The following ZC3H12A variants were observed in gnomAD, a reference collection of about 807,000 sequenced individuals.
ZC3H12A encodes endoribonuclease ZC3H12A.
A neutral mutation model predicts 29.9 loss-of-function variants in ZC3H12A; 9 were observed. The observed-to-expected ratio is 0.30, with a 90% confidence interval of 0.18 to 0.53. The LOEUF is 0.53. Ranked by LOEUF, ZC3H12A falls within the 20% of genes least tolerant of loss-of-function variation. ZC3H12A has a pLI of 0.96. For missense variants in ZC3H12A, 617 were observed against 799.0 expected (o/e 0.77, Z 2.75); for synonymous variants, 323 against 338.1 (o/e 0.96, Z 0.49).
At position 37,479,925 on chromosome 1, in the gene ZC3H12A, GGT is replaced by G. The variant is rs1191738314; in HGVS notation, c.444-360_444-359del. On this transcript the variant is annotated intron_variant, in intron 2 of 5. Coordinates refer to ENST00000373087, the MANE Select transcript of ZC3H12A (RefSeq NM_025079.3). The surrounding 1 kb of genome is among the most constrained non-coding windows in gnomAD (Gnocchi z 4.5). ...TCGCGGCACCTTTCCCCCACCCCCA[GGT>G]GTGTTGCAAGTGGCCTGGCCCTCCC... 1 of 1,030,614 alleles carries G rather than the reference GGT, an allele frequency of 9.7e-7. No individual in the cohort carries two copies. Among genetic ancestry groups the G allele is most frequent in the Non-Finnish European group, 1.2e-6 (1 of 857,338 alleles). The allele number at this position is 1,030,614 out of a possible 1,614,324, so 63.8% of individuals were successfully genotyped here.
intron 3 of ZC3H12A, among the ~76,000 whole-genome samples, chr1:37,480,865 G>A (rs776803277): frequency 1.1e-4 from 16 of 152,234 alleles, no homozygotes; most frequent in Non-Finnish European, 2.2e-4. Context: ...AGCAGGGGGT[G>A]TTGACAGCAT....
At chr1:37,474,863 G>C (rs1055802935) in intron 1 of ZC3H12A, among the ~76,000 whole-genome samples, 3 of 152,198 alleles carry the variant, frequency 2.0e-5, no homozygotes, top group Non-Finnish European at 4.4e-5. Flanking sequence ...GGGATCGCGG[G>C]CCGAGCAAGC....
In ZC3H12A at chr1:37,476,743, C is replaced by T. The variant is rs1026644685; in HGVS notation, c.443+804C>T. 3.3e-5 allele frequency among the ~76,000 whole-genome samples: 5 copies of T among 152,214 alleles called. No homozygotes were observed. The highest frequency in any genetic ancestry group is 1.3e-4 in the Admixed American group (2 of 15,286). On this transcript the variant is annotated intron_variant, in intron 2 of 5. Transcript: ENST00000373087. The surrounding 1 kb of genome is among the most constrained non-coding windows in gnomAD (Gnocchi z 6.0). The stretch of plus-strand genomic sequence containing the variant: ...GACCTTGGGAAACCCAGACTTCTCC[C>T]GTCAATCCAGGCTCCACCCTCTGGC...
rs1473064581 is a variant in ZC3H12A at position 37,482,784 on chromosome 1, C to T, written c.973C>T (p.Arg325Trp). The T allele has an allele frequency of 2.5e-6, 4 of 1,613,988 alleles. No individual in the cohort carries two copies. The highest frequency in any genetic ancestry group is 1.7e-5 in the Admixed American group (1 of 60,010). Residue 325 changes from arginine to tryptophan, a missense_variant, in exon 6 of 6, where the codon CGG (arginine) becomes TGG (tryptophan). By Grantham distance (101) the Arg-to-Trp change is moderately radical. Around this residue, in one of 5 missense-constraint regions of ZC3H12A, gnomAD observed 255 missense variants for 402.5 expected, o/e 0.63. Coordinates refer to ENST00000373087, the MANE Select transcript of ZC3H12A (RefSeq NM_025079.3). The part of the protein sequence containing the change: ...GIKCRFFHPE[R>W]PSCPQRSVAD... ...CAAGTGCCGATTCTTCCACCCAGAGCGGCCAAGCTGCCCCCAGCGCTCTGT... is the reference window on the plus strand; with the variant it reads ...CAAGTGCCGATTCTTCCACCCAGAGTGGCCAAGCTGCCCCCAGCGCTCTGT...
rs377046291 is a variant in ZC3H12A at position 37,483,742 on chromosome 1, G to A, written c.*131G>A. 26 of 1,260,568 alleles carry A rather than the reference G, an allele frequency of 2.1e-5. No individual in the cohort carries two copies. The highest frequency in any genetic ancestry group is 2.6e-5 in the Non-Finnish European group (24 of 937,702). The allele number at this position is 1,260,568 out of a possible 1,614,324, so 78.1% of individuals were successfully genotyped here. On this transcript the variant is annotated 3_prime_UTR_variant, in exon 6 of 6. Coordinates refer to ENST00000373087, the MANE Select transcript of ZC3H12A (RefSeq NM_025079.3). Reference sequence around the variant, plus strand: ...GCTGGACAGAGGGAGGATTCAAGTCGGGAAGGAAACCCACAAACCAAAGAT... The same window carrying A: ...GCTGGACAGAGGGAGGATTCAAGTCAGGAAGGAAACCCACAAACCAAAGAT...
intron 3 of ZC3H12A, among the ~76,000 whole-genome samples, chr1:37,480,721 TG>T (rs1484098185): frequency 1.3e-5 from 2 of 152,212 alleles, no homozygotes; most frequent in Non-Finnish European, 2.9e-5. Flanking sequence ...TGGTTAAGCC[TG>T]TGGGCTCTGA....
rs766676740 is a variant in ZC3H12A at position 37,481,746 on chromosome 1, C to T, written c.729C>T (p.Asn243=). The part of the protein sequence containing the change: ...AYESDGIVVS[N]DTYRDLQGER... ...AGTCTGACGGGATCGTGGTTTCCAA[C>T]GACACATACCGTGACCTCCAAGGCG... Residue 243 remains asparagine (N), a synonymous_variant, in exon 4 of 6, where the codon AAC becomes AAT. Transcript: ENST00000373087. 1.7e-5 allele frequency: 27 copies of T among 1,614,116 alleles called. No homozygotes were observed. The highest frequency in any genetic ancestry group is 2.2e-5 in the East Asian group (1 of 44,892).
At position 37,478,829 on chromosome 1, in the gene ZC3H12A, T is replaced by A; in HGVS notation, c.444-1461T>A. On this transcript the variant is annotated intron_variant, in intron 2 of 5. Transcript: ENST00000373087. The surrounding 1 kb of genome is among the most constrained non-coding windows in gnomAD (Gnocchi z 5.2). Reference sequence around the variant, plus strand: ...TATAACAGGGCCTGGTTCACAGCTCTCAGCAAATGGGAACTTTTATTATAA... The same window carrying A: ...TATAACAGGGCCTGGTTCACAGCTCACAGCAAATGGGAACTTTTATTATAA... 1 of 985,392 alleles carries A rather than the reference T, an allele frequency of 1.0e-6. No homozygotes were observed. Among genetic ancestry groups the A allele is most frequent in the Non-Finnish European group, 1.2e-6 (1 of 829,900 alleles). 61.0% of individuals were successfully genotyped at this position (985,392 alleles called of 1,614,324 possible). A position where few individuals can be genotyped will look rare whatever the true frequency, so the allele number is the denominator to read the frequency against.
In ZC3H12A at chr1:37,483,743, G is replaced by C. The variant is rs1157605823; in HGVS notation, c.*132G>C. ...CTGGACAGAGGGAGGATTCAAGTCG[G>C]GAAGGAAACCCACAAACCAAAGATA... is the stretch of plus-strand genomic sequence containing the variant. On this transcript the variant is annotated 3_prime_UTR_variant, in exon 6 of 6. Transcript: ENST00000373087. 8.0e-7 allele frequency: 1 copy of C among 1,246,302 alleles called. No homozygotes were observed. The highest frequency in any genetic ancestry group is 1.5e-5 in the African/African-American group (1 of 65,804). 77.2% of individuals were successfully genotyped at this position (1,246,302 alleles called of 1,614,324 possible).
Position 37,483,829 on chromosome 1 carries a change from C to T in ZC3H12A, c.*218C>T, listed in dbSNP as rs1641769852. On this transcript the variant is annotated 3_prime_UTR_variant, in exon 6 of 6. Coordinates refer to ENST00000373087, the MANE Select transcript of ZC3H12A (RefSeq NM_025079.3). ...GCTGTCTGCCTCAGTGGGTCAGAAG[C>T]GATCACCCTGTTGATACACATTGTA... 6.7e-6 allele frequency: 4 copies of T among 594,276 alleles called. No homozygotes were observed. The highest frequency in any genetic ancestry group is 2.4e-5 in the South Asian group (1 of 40,988). 36.8% of individuals were successfully genotyped at this position (594,276 alleles called of 1,614,324 possible).
rs1641769597 is a variant in ZC3H12A, at chr1:37,483,815, C to G, written c.*204C>G. The G allele has an allele frequency of 1.5e-6, 1 of 648,248 alleles. No individual in the cohort carries two copies. The highest frequency in any genetic ancestry group is 2.8e-5 in the East Asian group (1 of 36,304). The allele number at this position is 648,248 out of a possible 1,614,324, so 40.2% of individuals were successfully genotyped here. ...ATGCAGCACCTCTAGCTGTCTGCCT[C>G]AGTGGGTCAGAAGCGATCACCCTGT... On this transcript the variant is annotated 3_prime_UTR_variant, in exon 6 of 6. Transcript: ENST00000373087.
At position 37,479,795 on chromosome 1, in the gene ZC3H12A, C is replaced by A; in HGVS notation, c.444-495C>A. The A allele has an allele frequency of 1.0e-6, 1 of 985,456 alleles. No individual in the cohort carries two copies. Among genetic ancestry groups the A allele is most frequent in the Non-Finnish European group, 1.2e-6 (1 of 829,936 alleles). 61.0% of individuals were successfully genotyped at this position (985,456 alleles called of 1,614,324 possible). A position where few individuals can be genotyped will look rare whatever the true frequency, so the allele number is the denominator to read the frequency against. ...GCCCAGCCGGTGCTTCCCCCGCCCC[C>A]ACCCACGCTGCAAGAGGCGAGGGAG... On this transcript the variant is annotated intron_variant, in intron 2 of 5. Coordinates refer to ENST00000373087, the MANE Select transcript of ZC3H12A (RefSeq NM_025079.3). This position sits in a 1 kb window ranked among gnomAD's most constrained non-coding sequence, Gnocchi z 4.5.
chr1:37,483,441 G>T lies in ZC3H12A; in HGVS notation c.1630G>T (p.Gly544Cys). 6.2e-7 allele frequency: 1 copy of T among 1,614,028 alleles called. No homozygotes were observed. The highest frequency in any genetic ancestry group is 2.2e-5 in the East Asian group (1 of 44,876). Residue 544 changes from glycine to cysteine, a missense_variant, in exon 6 of 6, where the codon GGC becomes TGC. Physicochemically the swap from Gly to Cys is radical, Grantham distance 159 (BLOSUM62 -3). Coordinates refer to ENST00000373087, the MANE Select transcript of ZC3H12A (RefSeq NM_025079.3). ...QSPGAGRSPW[G>C]RAGSLAKEQA... ...CCCAGGGGCTGGCAGGAGCCCGTGG[G>T]GCAGGGCAGGCAGCCTGGCCAAGGA...
At chr1:37,480,240 G>C in intron 2 of ZC3H12A, 50 bp from the exon 3 acceptor site, 1 of 1,587,086 alleles carries the variant, frequency 6.3e-7, no homozygotes, top group African/African-American at 1.3e-5. Flanking sequence ...AGGCCTAGGG[G>C]GTGGCAGGCT....
chr1:37,478,644 G>A lies in ZC3H12A; in HGVS notation c.444-1646G>A, dbSNP rs2148042987. ...ACGTACAGGGTAGTGATAAGCATAG[G>A]CCCTGGGCTTGCGTCTCTCTTCCAC... On this transcript the variant is annotated intron_variant, in intron 2 of 5. Transcript: ENST00000373087. This position sits in a 1 kb window ranked among gnomAD's most constrained non-coding sequence, Gnocchi z 5.2. 1.3e-5 allele frequency among the ~76,000 whole-genome samples: 2 copies of A among 152,296 alleles called. No homozygotes were observed. Among genetic ancestry groups the A allele is most frequent in the South Asian group, 4.1e-4 (2 of 4,830 alleles).
Position 37,482,843 on chromosome 1 carries a change from A to AC in ZC3H12A, c.1038dup (p.Arg347GlnfsTer26). ...AGCTCCGTGCCAATGCTCTCCTCTC[A>AC]CCCCCCAGAGCCCCAAGCAAGGACA... is the stretch of plus-strand genomic sequence containing the variant. On this transcript the variant is annotated frameshift_variant, in exon 6 of 6. Coordinates refer to ENST00000373087, the MANE Select transcript of ZC3H12A (RefSeq NM_025079.3). LOFTEE classifies it low-confidence loss of function (END_TRUNC). The AC allele has an allele frequency of 1.2e-6, 2 of 1,612,206 alleles. No individual in the cohort carries two copies. Among genetic ancestry groups the AC allele is most frequent in the East Asian group, 2.2e-5 (1 of 44,802 alleles).
rs780435293 is a variant in ZC3H12A, at chr1:37,482,513, G to A, written c.898G>A (p.Glu300Lys). The change falls in exon 5 of 6, where the codon GAG becomes AAG. Residue 300 changes from glutamate (E) to lysine (K), a missense_variant. Coordinates refer to ENST00000373087, the MANE Select transcript of ZC3H12A (RefSeq NM_025079.3). ...CCTGCGTAAGAAGCCACTCACTTTG[G>A]AGCACAGGAAGCAGCCGTGTCCCTA... ...NFLRKKPLTL[E>K]HRKQPCPYGR... is the part of the protein sequence containing the mutation. The A allele has an allele frequency of 6.2e-7, 1 of 1,614,078 alleles. No homozygotes were observed. Among genetic ancestry groups the A allele is most frequent in the East Asian group, 2.2e-5 (1 of 44,874 alleles).
rs376784138 is a variant in ZC3H12A, at chr1:37,483,083, G to C, written c.1272G>C (p.Thr424=). Residue 424 remains threonine (T), a synonymous_variant, in exon 6 of 6, where the codon ACG becomes ACC. Transcript: ENST00000373087. ...GGCCCACAGACTGGCTCCCACAGAC[G>C]CTGGACTCACTCCCGTACGTCTCCC... ...SFGPTDWLPQ[T]LDSLPYVSQD... is the part of the protein sequence containing the mutation. 1 of 1,611,348 alleles carries C rather than the reference G, an allele frequency of 6.2e-7. No homozygotes were observed.
In ZC3H12A at chr1:37,478,456, G is replaced by A. The variant is rs1009178996; in HGVS notation, c.444-1834G>A. Among the ~76,000 whole-genome samples, 1 of 152,206 alleles carries A rather than the reference G, an allele frequency of 6.6e-6. No individual in the cohort carries two copies. The highest frequency in any genetic ancestry group is 2.1e-4 in the South Asian group (1 of 4,834). Reference sequence around the variant, plus strand: ...CCAGACCTGGGTTCGAGTTCTGACTGTCTCTTACCACTAGCCAGGTGACCT... The same window carrying A: ...CCAGACCTGGGTTCGAGTTCTGACTATCTCTTACCACTAGCCAGGTGACCT... On this transcript the variant is annotated intron_variant, in intron 2 of 5. Transcript: ENST00000373087. The surrounding 1 kb of genome is among the most constrained non-coding windows in gnomAD (Gnocchi z 5.2).
Sources: gnomAD v4.1 joint callset for allele counts (sites outside exome capture counted in the v4.1 genomes callset) on GRCh38, gnomAD v4.1.1 for gene constraint, gnomAD v4.1.1 regional missense constraint, Gnocchi (gnomAD v3.1) non-coding constraint, MANE v1.5 for transcripts, NCBI Gene and HGNC (gene_info 2026-07-23, HGNC 2026-07-21) for gene names.